Variants in ARHGEF7 observed in about 807,000 individuals in gnomAD.
The protein encoded by ARHGEF7 is Rho guanine nucleotide exchange factor 7, also known as PAK-interacting exchange factor beta.
In ARHGEF7, 33 loss-of-function variants were observed where a neutral mutation model predicts 109.8. That is an observed-to-expected ratio of 0.30 (90% CI 0.23 to 0.40). The LOEUF is 0.40. Among genes scored for constraint, ARHGEF7 ranks in the 10% least tolerant of loss-of-function variants. The pLI is 1.00. For missense variants in ARHGEF7, 938 were observed against 1,098.5 expected (o/e 0.85, Z 2.07); for synonymous variants, 458 against 424.6 (o/e 1.08, Z -0.97).
intron 19 of ARHGEF7, among the ~76,000 whole-genome samples, 156 bp from the exon 20 acceptor site, chr13:111,300,592 T>C (rs2093542336): frequency 6.6e-6 from 1 of 152,232 alleles, no homozygotes; most frequent in South Asian, 2.1e-4. Context: ...AGAGAACTGG[T>C]AAAAGATGCC....
At chr13:111,286,272 G>C (rs752488344) in intron 17 of ARHGEF7, 32 bp downstream of exon 17, 2 of 1,551,644 alleles carry the variant, frequency 1.3e-6, no homozygotes, top group Admixed American at 1.7e-5. Context: ...GGTGGAGGAC[G>C]TGGCCTCCTG....
In ARHGEF7 at chr13:111,267,659, C is replaced by G. The variant is rs75850444; in HGVS notation, c.1062C>G (p.Leu354=). Reference sequence around the variant, plus strand: ...ATCACCCTTCTGCAGTGAATGTCCTCACGGAACACAGGTGCGCTTGCTAGG... The same window carrying G: ...ATCACCCTTCTGCAGTGAATGTCCTGACGGAACACAGGTGCGCTTGCTAGG... ...CANHPSAVNV[L]TEHSEELGEF... is the part of the protein sequence containing the mutation. The change falls in exon 9 of 22, where the codon CTC becomes CTG. Residue 354 remains leucine, a synonymous_variant. Coordinates refer to ENST00000646102, the MANE Select transcript of ARHGEF7 (RefSeq NM_001354046.2). 1.9e-3 allele frequency: 3,076 copies of G among 1,613,896 alleles called. 49 individuals are homozygous for G. The African/African-American group carries it at 0.035, about 18-fold the overall frequency.
chr13:111,205,300 A>G lies in ARHGEF7; in HGVS notation c.264A>G (p.Ala88=), dbSNP rs1229197218. The change falls in exon 3 of 22, where the codon GCA becomes GCG. Residue 88 remains alanine, a synonymous_variant. Coordinates refer to ENST00000646102, the MANE Select transcript of ARHGEF7 (RefSeq NM_001354046.2). ...ATTTTTCCTTTCAGACGTTTGATGC[A>G]AATGATTTGTATCAGGGGCAGAATT... ...GASLRLETFD[A]NDLYQGQNFN... 6.2e-7 allele frequency: 1 copy of G among 1,600,464 alleles called. No homozygotes were observed. Among genetic ancestry groups the G allele is most frequent in the African/African-American group, 1.4e-5 (1 of 73,862 alleles).
At chr13:111,217,526 G>A (rs572840182) in intron 4 of ARHGEF7, among the ~76,000 whole-genome samples, 153 bp from the exon 5 acceptor site, 1 of 152,302 alleles carries the variant, frequency 6.6e-6, no homozygotes, top group Non-Finnish European at 1.5e-5. Context: ...TGGTGGTCAT[G>A]GGGCACTGGA....
intron 1 of ARHGEF7, among the ~76,000 whole-genome samples, chr13:111,133,239 A>G (rs2074873503): frequency 6.6e-6 from 1 of 152,070 alleles, no homozygotes; most frequent in African/African-American, 2.4e-5. Context: ...TATAATGCAC[A>G]CATATGCGCA....
intron 15 of ARHGEF7, among the ~76,000 whole-genome samples, chr13:111,282,197 G>A (rs1435458041): frequency 1.3e-5 from 2 of 152,208 alleles, no homozygotes; most frequent in African/African-American, 2.4e-5. Flanking sequence ...ATTAGCTGCC[G>A]TCCCTCTCAG....
At chr13:111,158,628 T>G (rs1365771414) in intron 2 of ARHGEF7, among the ~76,000 whole-genome samples, 2 of 152,226 alleles carry the variant, frequency 1.3e-5, no homozygotes. Flanking sequence ...TTGGAAGTTT[T>G]TGGTTGGCTT....
At chr13:111,153,536 G>A (rs921906307) in intron 1 of ARHGEF7, 28 of 810,802 alleles carry the variant, frequency 3.5e-5, no homozygotes, top group Non-Finnish European at 4.2e-5. Flanking sequence ...TGGGCCAGAG[G>A]AGGTGGCAGC....
At chr13:111,158,418 T>C (rs141963385) in intron 2 of ARHGEF7, among the ~76,000 whole-genome samples, 143 of 152,378 alleles carry the variant, frequency 9.4e-4, no homozygotes, top group African/African-American at 3.1e-3. Flanking sequence ...GGAATAGTTA[T>C]GTTTGATATG....
intron 1 of ARHGEF7, among the ~76,000 whole-genome samples, chr13:111,150,470 CCTT>C (rs1443289576): frequency 6.6e-5 from 10 of 152,178 alleles, no homozygotes; most frequent in African/African-American, 1.9e-4. Context: ...GTCATTGAAA[CCTT>C]CTCCACTTAT....
rs959579452 is a variant in ARHGEF7, at chr13:111,208,735, T to G, written c.338-1137T>G. 3.9e-5 allele frequency among the ~76,000 whole-genome samples: 6 copies of G among 152,158 alleles called. No homozygotes were observed. In the South Asian group the frequency reaches 1.2e-3, roughly 32 times the overall value. On this transcript the variant is annotated intron_variant, in intron 3 of 21. Transcript: ENST00000646102. ...TGCTCTATAGAGATTACTCGTAACC[T>G]GCCCTCAGCAGGTCCTGGGAAGTGT...
rs1009784237 is a variant in ARHGEF7, at chr13:111,304,801, T to C, written c.*1688T>C. 6.6e-6 allele frequency: 1 copy of C among 152,314 alleles called. No homozygotes were observed. The highest frequency in any genetic ancestry group is 2.4e-5 in the African/African-American group (1 of 41,476). The allele number at this position is 152,314 out of a possible 1,614,324, so 9.4% of individuals were successfully genotyped here. ...TGGACTTTTCACTAGAATTGCCAGCTTCCTCAACTTAGCAGATCATTCACT... is the reference window on the plus strand; with the variant it reads ...TGGACTTTTCACTAGAATTGCCAGCCTCCTCAACTTAGCAGATCATTCACT... On this transcript the variant is annotated 3_prime_UTR_variant, in exon 22 of 22. Coordinates refer to ENST00000646102, the MANE Select transcript of ARHGEF7 (RefSeq NM_001354046.2).
intron 14 of ARHGEF7, 94 bp downstream of exon 14, chr13:111,280,444 G>T: frequency 1.3e-6 from 2 of 1,583,130 alleles, no homozygotes; most frequent in Non-Finnish European, 1.7e-6. Context: ...TCAGAAGGTG[G>T]TGTTTAAGCG....
intron 2 of ARHGEF7, among the ~76,000 whole-genome samples, chr13:111,169,366 G>A (rs2077395138): frequency 6.6e-6 from 1 of 152,158 alleles, no homozygotes; most frequent in African/African-American, 2.4e-5. Context: ...TGTTTCTGGA[G>A]AGGCCTCAGG....
chr13:111,267,409 G>C, intron 8 of ARHGEF7, 139 bp from the exon 9 acceptor site: 1 of 1,119,882 alleles, frequency 8.9e-7, no homozygotes, highest in Middle Eastern at 2.8e-4. Flanking sequence ...ACACATGTGT[G>C]CTGGGATCGG....
intron 4 of ARHGEF7, 88 bp from the exon 5 acceptor site, chr13:111,217,591 A>T: frequency 8.0e-7 from 1 of 1,252,194 alleles, no homozygotes; most frequent in Non-Finnish European, 1.1e-6. Context: ...CAATTATGCT[A>T]CCTTTGTACT....
chr13:111,116,063 C>G (rs1341653292), intron 1 of ARHGEF7, among the ~76,000 whole-genome samples: 1 of 152,210 alleles, frequency 6.6e-6, no homozygotes. Context: ...CGCGTTCCGA[C>G]GCGGTGCGGC....
chr13:111,156,399 AGTAAATT>A (rs1180982110), intron 2 of ARHGEF7, among the ~76,000 whole-genome samples: 2 of 152,272 alleles, frequency 1.3e-5, no homozygotes, highest in Non-Finnish European at 2.9e-5. Context: ...TATCTCTTCC[AGTAAATT>A]TAAGCAAGAG....
At chr13:111,216,162 A>G (rs1340302521) in intron 4 of ARHGEF7, among the ~76,000 whole-genome samples, 1 of 152,184 alleles carries the variant, frequency 6.6e-6, no homozygotes, top group African/African-American at 2.4e-5. Flanking sequence ...ATTCTGAGCC[A>G]TATTTTCTTA....
Sources: gnomAD v4.1 joint callset for allele counts (sites outside exome capture counted in the v4.1 genomes callset) on GRCh38, gnomAD v4.1.1 for gene constraint, MANE v1.5 for transcripts, NCBI Gene and HGNC (gene_info 2026-07-23, HGNC 2026-07-21) for gene names.